STAP1: variants seen among roughly 807,000 people sequenced by gnomAD.
The protein encoded by STAP1 is signal-transducing adaptor protein 1.
Under a neutral mutation model 37.8 loss-of-function variants are expected in STAP1, and 30 were observed. That is an observed-to-expected ratio of 0.79 (90% CI 0.59 to 1.08). The LOEUF is 1.08. Ranked by LOEUF, STAP1 falls within the 50% of genes least tolerant of loss-of-function variation. The pLI, the probability that STAP1 is intolerant of heterozygous loss-of-function variation, is 0.00. For synonymous variants in STAP1, 130 were observed against 116.0 expected, an observed-to-expected ratio of 1.12 and a Z score of -0.78; for missense variants, 357 against 349.4, an observed-to-expected ratio of 1.02 and a Z score of -0.17.
intron 1 of STAP1, among the ~76,000 whole-genome samples, chr4:67,560,597 CT>C (rs1437678867): frequency 6.6e-6 from 1 of 151,442 alleles, no homozygotes; most frequent in Non-Finnish European, 1.5e-5. Flanking sequence ...ATGAAATTAA[CT>C]TGTGTTTCTA....
intron 8 of STAP1, among the ~76,000 whole-genome samples, chr4:67,605,857 T>C (rs1227738194): frequency 6.6e-6 from 1 of 152,154 alleles, no homozygotes; most frequent in Non-Finnish European, 1.5e-5. Context: ...AGGTAAGGGT[T>C]CCAATCTGGA....
chr4:67,589,365 T>C (rs1346714990), intron 6 of STAP1, among the ~76,000 whole-genome samples: 2 of 152,182 alleles, frequency 1.3e-5, no homozygotes, highest in Admixed American at 6.5e-5. Context: ...GTTTTGAAAG[T>C]AGGTTATTGG....
chr4:67,606,446 C>T lies in STAP1; in HGVS notation c.*89C>T, dbSNP rs1182467449. 2 of 1,084,728 alleles carry T rather than the reference C, an allele frequency of 1.8e-6. No homozygotes were observed. Among genetic ancestry groups the T allele is most frequent in the Non-Finnish European group, 1.3e-6 (1 of 757,580 alleles). The allele number at this position is 1,084,728 out of a possible 1,614,324, so 67.2% of individuals were successfully genotyped here. On this transcript the variant is annotated 3_prime_UTR_variant, in exon 9 of 9. Transcript: ENST00000265404. ...TTTTAAAGAGAATTACCTATATTCT[C>T]CTGATACTGATTACCAAGTCATTCA...
At chr4:67,585,457 C>G (rs1727960153) in intron 6 of STAP1, among the ~76,000 whole-genome samples, 1 of 152,166 alleles carries the variant, frequency 6.6e-6, no homozygotes, top group Non-Finnish European at 1.5e-5. Context: ...AGATCCTTGT[C>G]TTATACACTA....
intron 1 of STAP1, 78 bp from the exon 2 acceptor site, chr4:67,571,006 A>T: frequency 8.5e-7 from 1 of 1,177,582 alleles, no homozygotes; most frequent in Non-Finnish European, 1.3e-6. Flanking sequence ...CAATTAAGAA[A>T]GTTACAAAGG....
In STAP1 at chr4:67,558,733, T is replaced by G. The variant is rs749564639; in HGVS notation, c.-77T>G. On this transcript the variant is annotated 5_prime_UTR_variant, in exon 1 of 9. Transcript: ENST00000265404. ...AATTTGGGACTTCCTCTTTGAACAG[T>G]TGCCTTTTCCTCTCACAGAAGGAAG... 1.9e-6 allele frequency: 3 copies of G among 1,553,636 alleles called. No homozygotes were observed. The highest frequency in any genetic ancestry group is 1.4e-5 in the African/African-American group (1 of 72,414).
intron 6 of STAP1, among the ~76,000 whole-genome samples, chr4:67,585,058 G>A (rs1727951257): frequency 6.6e-6 from 1 of 152,156 alleles, no homozygotes; most frequent in Non-Finnish European, 1.5e-5. Flanking sequence ...AAGTCTATGA[G>A]AACTTGCACT....
In STAP1 at chr4:67,583,673, C is replaced by G. The variant is rs1727916663; in HGVS notation, c.630C>G (p.Asn210Lys). The part of the protein sequence containing the change: ...MILRPGSDSR[N>K]YSITIRQEID... Reference sequence around the variant, plus strand: ...TGAGGCCTGGTAGTGACAGTAGAAACTACTCCATCACTATTCGGCAGGAGA... The same window carrying G: ...TGAGGCCTGGTAGTGACAGTAGAAAGTACTCCATCACTATTCGGCAGGAGA... Residue 210 changes from asparagine (N) to lysine (K), a missense_variant, in exon 6 of 9, where the codon AAC (asparagine) becomes AAG (lysine). Physicochemically the swap from Asn to Lys is moderately conservative, Grantham distance 94. Coordinates refer to ENST00000265404, the MANE Select transcript of STAP1 (RefSeq NM_012108.4). 1 of 1,613,622 alleles carries G rather than the reference C, an allele frequency of 6.2e-7. No homozygotes were observed. Among genetic ancestry groups the G allele is most frequent in the Non-Finnish European group, 8.5e-7 (1 of 1,179,852 alleles).
chr4:67,564,108 C>T (rs1270653840), intron 1 of STAP1, among the ~76,000 whole-genome samples: 2 of 151,940 alleles, frequency 1.3e-5, no homozygotes, highest in South Asian at 2.1e-4. Flanking sequence ...TACATCTTAT[C>T]GAAATGAAAT....
At chr4:67,569,132 T>C (rs1166593252) in intron 1 of STAP1, among the ~76,000 whole-genome samples, 1 of 152,240 alleles carries the variant, frequency 6.6e-6, no homozygotes, top group African/African-American at 2.4e-5. Flanking sequence ...GCTACAAACC[T>C]GTATAGCATG....
At chr4:67,577,585 A>AT (rs904552865) in intron 4 of STAP1, among the ~76,000 whole-genome samples, 6 of 151,322 alleles carry the variant, frequency 4.0e-5, no homozygotes, top group African/African-American at 9.7e-5. Context: ...GTATATTCTG[A>AT]TATTTGTAGC....
intron 6 of STAP1, among the ~76,000 whole-genome samples, chr4:67,589,668 C>A (rs958497340): frequency 8.5e-5 from 13 of 152,140 alleles, no homozygotes; most frequent in African/African-American, 3.1e-4. Flanking sequence ...AGTTTTCATC[C>A]TAACATGCTT....
At chr4:67,591,970 A>T (rs1012986106) in intron 7 of STAP1, among the ~76,000 whole-genome samples, 4 of 152,212 alleles carry the variant, frequency 2.6e-5, no homozygotes, top group Non-Finnish European at 5.9e-5. Context: ...AGGAAGAATA[A>T]TGTGTCATCT....
chr4:67,560,162 T>C (rs527645306), intron 1 of STAP1, among the ~76,000 whole-genome samples: 160 of 151,550 alleles, frequency 1.1e-3, no homozygotes, highest in African/African-American at 3.6e-3. Flanking sequence ...TGATAGCAGT[T>C]TTTTTTAAAT....
At chr4:67,588,656 G>A (rs1450972983) in intron 6 of STAP1, among the ~76,000 whole-genome samples, 3 of 152,174 alleles carry the variant, frequency 2.0e-5, no homozygotes, top group Non-Finnish European at 2.9e-5. Context: ...TGATCTGCCT[G>A]CCTCAGCCTC....
intron 1 of STAP1, among the ~76,000 whole-genome samples, chr4:67,570,542 G>T (rs1727580132): frequency 6.6e-6 from 1 of 152,138 alleles, no homozygotes; most frequent in Non-Finnish European, 1.5e-5. Context: ...TGGGCCTGTA[G>T]TCCTAGCTAC....
chr4:67,575,969 A>G (rs1305841995), intron 3 of STAP1, among the ~76,000 whole-genome samples: 1 of 152,098 alleles, frequency 6.6e-6, no homozygotes, highest in Non-Finnish European at 1.5e-5. Context: ...CCCAACTCAA[A>G]ACCTATATTT....
At chr4:67,586,895 A>T (rs1002401313) in intron 6 of STAP1, among the ~76,000 whole-genome samples, 1 of 152,220 alleles carries the variant, frequency 6.6e-6, no homozygotes, top group African/African-American at 2.4e-5. Context: ...AAACTAAAGA[A>T]TTCTAACACT....
At chr4:67,579,934 C>T (rs545182935) in intron 4 of STAP1, among the ~76,000 whole-genome samples, 5 of 152,200 alleles carry the variant, frequency 3.3e-5, no homozygotes, top group East Asian at 1.9e-4. Flanking sequence ...GGCTTGATCC[C>T]GGCTCACTGC....
Sources: allele counts gnomAD v4.1 joint callset (sites outside exome capture counted in the v4.1 genomes callset), GRCh38; gene constraint gnomAD v4.1.1; transcripts MANE v1.5; gene names NCBI Gene and HGNC (gene_info 2026-07-23, HGNC 2026-07-21).